The following DOCK3 variants were observed in gnomAD, a reference collection of about 807,000 sequenced individuals.
The protein encoded by DOCK3 is dedicator of cytokinesis protein 3.
In DOCK3, 60 loss-of-function variants were observed where a neutral mutation model predicts 265.6. The ratio of observed to expected loss-of-function variants is 0.23; its 90% CI spans 0.18 to 0.28. The LOEUF (loss-of-function observed/expected upper bound fraction) is 0.28, where lower values mean the gene tolerates loss of function less well. Ranked by LOEUF, DOCK3 falls within the 10% of genes least tolerant of loss-of-function variation. The pLI, the probability that DOCK3 is intolerant of heterozygous loss-of-function variation, is 1.00. For synonymous variants in DOCK3, 881 were observed against 938.0 expected (o/e 0.94, Z 1.11); for missense variants, 1,981 against 2,594.3 (o/e 0.76, Z 5.14).
At chr3:51,024,605 G>A (rs1038793520) in intron 5 of DOCK3, among the ~76,000 whole-genome samples, 2 of 152,158 alleles carry the variant, frequency 1.3e-5, no homozygotes, top group Non-Finnish European at 1.5e-5. Context: ...CCAGTGTTCT[G>A]GCTGTTCAGA....
intron 5 of DOCK3, among the ~76,000 whole-genome samples, chr3:51,051,798 AG>A (rs1458270629): frequency 1.3e-5 from 2 of 152,156 alleles, no homozygotes; most frequent in Non-Finnish European, 2.9e-5. Context: ...GGGAGGCCTC[AG>A]GGAGCTTTTA....
intron 2 of DOCK3, chr3:50,786,986 C>T (rs774967139): frequency 5.5e-4 from 408 of 741,220 alleles, no homozygotes; most frequent in Admixed American, 7.4e-4. Flanking sequence ...CATGTGTTTT[C>T]GCACATGAGC....
At chr3:50,976,604 A>T (rs1461627829) in intron 5 of DOCK3, among the ~76,000 whole-genome samples, 1 of 150,590 alleles carries the variant, frequency 6.6e-6, no homozygotes, top group African/African-American at 2.4e-5. Flanking sequence ...TGGTGCTGAA[A>T]AAAATGTATA....
At chr3:50,871,048 A>G (rs2047407227) in intron 3 of DOCK3, among the ~76,000 whole-genome samples, 1 of 152,070 alleles carries the variant, frequency 6.6e-6, no homozygotes, top group African/African-American at 2.4e-5. Context: ...CACTGCAGTT[A>G]CAGTTTTATA....
At chr3:50,745,979 A>G (rs765268970) in intron 1 of DOCK3, among the ~76,000 whole-genome samples, 6 of 152,100 alleles carry the variant, frequency 3.9e-5, no homozygotes, top group Non-Finnish European at 8.8e-5. Flanking sequence ...AGAGTTCTTC[A>G]TATATTCTAG....
At chr3:51,075,596 G>A (rs543901691) in intron 7 of DOCK3, among the ~76,000 whole-genome samples, 156 bp downstream of exon 7, 1 of 152,244 alleles carries the variant, frequency 6.6e-6, no homozygotes, top group South Asian at 2.1e-4. Context: ...TGTCACACTA[G>A]CTTTCCAAAT....
chr3:51,277,554 T>C, intron 25 of DOCK3, 54 bp from the exon 26 acceptor site: 1 of 1,490,732 alleles, frequency 6.7e-7, no homozygotes, highest in Admixed American at 2.4e-5. Context: ...TGCTGCCAGC[T>C]GTACTTCAGC....
chr3:51,296,638 G>A (rs1360148590), intron 27 of DOCK3, among the ~76,000 whole-genome samples: 4 of 151,874 alleles, frequency 2.6e-5, no homozygotes, highest in South Asian at 2.1e-4. Flanking sequence ...CACCATGCCC[G>A]GCTATTTTTT....
intron 35 of DOCK3, among the ~76,000 whole-genome samples, chr3:51,336,013 A>T (rs2084845121): frequency 6.6e-6 from 1 of 151,892 alleles, no homozygotes; most frequent in African/African-American, 2.4e-5. Context: ...AAAAGAAAAG[A>T]AAAGAAAAAG....
intron 9 of DOCK3, among the ~76,000 whole-genome samples, chr3:51,096,711 A>T (rs958464898): frequency 2.0e-5 from 3 of 152,088 alleles, no homozygotes; most frequent in African/African-American, 7.2e-5. Context: ...GATCCTTTGG[A>T]GAAGAGGCGT....
chr3:51,006,246 A>T (rs1429626745), intron 5 of DOCK3, among the ~76,000 whole-genome samples: 4 of 68,816 alleles, frequency 5.8e-5, no homozygotes, highest in Non-Finnish European at 7.9e-5. Flanking sequence ...TTATTTCCCA[A>T]TCCTGCTTTT....
chr3:50,885,414 A>G (rs1314128615), intron 3 of DOCK3, among the ~76,000 whole-genome samples: 1 of 150,462 alleles, frequency 6.6e-6, no homozygotes, highest in East Asian at 1.9e-4. Flanking sequence ...TCATTTGGGT[A>G]AATACCTAGG....
In DOCK3 at chr3:51,257,017, C is replaced by T. The variant is rs114746680; in HGVS notation, c.2185-3139C>T. On this transcript the variant is annotated intron_variant, in intron 22 of 52. Coordinates refer to ENST00000266037, the MANE Select transcript of DOCK3 (RefSeq NM_004947.5). ...AGAACTGTGGCTGTTTCCAAGGGGT[C>T]TTGCTAGATCAGCTGAGTTGATGGC... 5.5e-3 allele frequency among the ~76,000 whole-genome samples: 839 copies of T among 152,278 alleles called. 4 individuals carry two copies. Among genetic ancestry groups the T allele is most frequent in the Middle Eastern group, 0.014 (4 of 294 alleles).
At chr3:50,915,626 G>A (rs1043028263) in intron 4 of DOCK3, among the ~76,000 whole-genome samples, 1 of 152,020 alleles carries the variant, frequency 6.6e-6, no homozygotes, top group Non-Finnish European at 1.5e-5. Context: ...TTCCCAGGGG[G>A]TGATGTGCTG....
intron 2 of DOCK3, among the ~76,000 whole-genome samples, chr3:50,796,629 C>T (rs1035566740): frequency 3.3e-5 from 5 of 152,188 alleles, no homozygotes; most frequent in African/African-American, 4.8e-5. Flanking sequence ...TGAGCCACCG[C>T]GTCCAGCCAG....
At position 51,054,636 on chromosome 3, in the gene DOCK3, C is replaced by G. The variant is rs116676896; in HGVS notation, c.316-9812C>G. Reference sequence around the variant, plus strand: ...TTCAAATGATGCACTAATTTTCTTACATTTTGTCTCCCATTTATCTATTGG... The same window carrying G: ...TTCAAATGATGCACTAATTTTCTTAGATTTTGTCTCCCATTTATCTATTGG... On this transcript the variant is annotated intron_variant, in intron 5 of 52. Transcript: ENST00000266037. Among the ~76,000 whole-genome samples, 720 of 152,288 alleles carry G rather than the reference C, an allele frequency of 4.7e-3. 2 individuals are homozygous for G. The highest frequency in any genetic ancestry group is 0.016 in the African/African-American group (670 of 41,572).
chr3:51,261,273 A>T (rs1211967204), intron 23 of DOCK3, among the ~76,000 whole-genome samples: 1 of 151,934 alleles, frequency 6.6e-6, no homozygotes, highest in Non-Finnish European at 1.5e-5. Flanking sequence ...GGCAAGCAGA[A>T]GGAGGGTGGG....
At chr3:50,737,512 T>C (rs2038717595) in intron 1 of DOCK3, among the ~76,000 whole-genome samples, 1 of 152,216 alleles carries the variant, frequency 6.6e-6, no homozygotes, top group African/African-American at 2.4e-5. Flanking sequence ...GAGATTTGGG[T>C]GGTAACACAG....
intron 22 of DOCK3, among the ~76,000 whole-genome samples, chr3:51,253,266 A>G (rs867766813): frequency 6.6e-6 from 1 of 152,196 alleles, no homozygotes; most frequent in Non-Finnish European, 1.5e-5. Context: ...TCAGTTTGCT[A>G]GTATTTTACT....
Sources: gnomAD v4.1 joint callset for allele counts (sites outside exome capture counted in the v4.1 genomes callset) on GRCh38, gnomAD v4.1.1 for gene constraint, MANE v1.5 for transcripts, NCBI Gene and HGNC (gene_info 2026-07-23, HGNC 2026-07-21) for gene names.